NSD1: variants seen among roughly 807,000 people sequenced by gnomAD.
The protein encoded by NSD1 is histone-lysine N-methyltransferase, H3 lysine-36 specific.
NSD1 carries 26 observed loss-of-function variants against 242.7 expected under a neutral mutation model. The ratio of observed to expected loss-of-function variants is 0.11; its 90% confidence interval spans 0.08 to 0.15. The LOEUF is 0.15. NSD1 is among the 10% of genes least tolerant of loss of function. NSD1 has a pLI of 1.00. For synonymous variants in NSD1, 1,106 were observed against 1,178.1 expected (o/e 0.94, Z 1.25); for missense variants, 2,495 against 3,272.8 (o/e 0.76, Z 5.80).
chr5:177,204,782 T>G (rs779405928), intron 4 of NSD1, among the ~76,000 whole-genome samples: 13 of 151,968 alleles, frequency 8.6e-5, no homozygotes, highest in Admixed American at 3.3e-4. Flanking sequence ...GGTGGGTTTT[T>G]TTTGTTTGTT....
intron 17 of NSD1, among the ~76,000 whole-genome samples, chr5:177,275,435 CTTTTTTTTTTTT>C (rs749631943): frequency 8.0e-5 from 4 of 50,146 alleles, no homozygotes; most frequent in Non-Finnish European, 1.0e-4. Flanking sequence ...CTTCCCTTGT[CTTTTTTTTTTTT>C]TTTTTTTTTT....
At chr5:177,166,894 A>C (rs1759251829) in intron 2 of NSD1, among the ~76,000 whole-genome samples, 1 of 151,704 alleles carries the variant, frequency 6.6e-6, no homozygotes. Context: ...GTCACGTGCC[A>C]CCATGCCCAG....
intron 2 of NSD1, among the ~76,000 whole-genome samples, chr5:177,143,783 C>CTTT (rs11300578): frequency 4.1e-5 from 5 of 121,124 alleles, no homozygotes; most frequent in Admixed American, 1.7e-4. Context: ...TACAAGATAA[C>CTTT]TTTTTTTTTT....
intron 3 of NSD1, among the ~76,000 whole-genome samples, chr5:177,195,274 G>C (rs1476601313): frequency 1.3e-5 from 2 of 152,054 alleles, no homozygotes; most frequent in Non-Finnish European, 2.9e-5. Context: ...CTTGAGCCTA[G>C]GAGTTTGAGA....
At chr5:177,137,413 C>T (rs1756430588) in intron 2 of NSD1, 1 of 152,238 alleles carries the variant, frequency 6.6e-6, no homozygotes, top group Non-Finnish European at 1.5e-5. Flanking sequence ...TATATCCCTG[C>T]TGTTCTTTAA....
At position 177,204,282 on chromosome 5, in the gene NSD1, A is replaced by G; in HGVS notation, c.1226A>G (p.Tyr409Cys). Residue 409 changes from tyrosine (Y) to cysteine (C), a missense_variant, in exon 4 of 23, where the codon TAT becomes TGT. By Grantham distance (194) the Tyr-to-Cys change is radical. Coordinates refer to ENST00000439151, the MANE Select transcript of NSD1 (RefSeq NM_022455.5). The stretch of plus-strand genomic sequence containing the variant: ...AGAGGGAAACAGAAAGAAAAAGGAT[A>G]TAGGCATAAGGTAGGAAACGAAAAA... ...RRRGKQKEKGYRHKVPQKILS... is the reference protein window; with the variant it reads ...RRRGKQKEKGCRHKVPQKILS... The G allele has an allele frequency of 6.2e-7, 1 of 1,613,866 alleles. No individual in the cohort carries two copies.
chr5:177,158,945 TACACAC>T, intron 2 of NSD1, among the ~76,000 whole-genome samples: 1 of 145,410 alleles, frequency 6.9e-6, no homozygotes, highest in African/African-American at 2.6e-5. Context: ...TGTGTATATA[TACACAC>T]ATATATATAT....
chr5:177,268,941 T>C lies in NSD1; in HGVS notation c.5304-661T>C, dbSNP rs1279604754. Reference sequence around the variant, plus strand: ...GTCAGTTTTTCTTGGTTTATATACTTGGGACCTTGAATATAAGTATATACT... The same window carrying C: ...GTCAGTTTTTCTTGGTTTATATACTCGGGACCTTGAATATAAGTATATACT... On this transcript the variant is annotated intron_variant, in intron 15 of 22. Transcript: ENST00000439151. Among the ~76,000 whole-genome samples the C allele has an allele frequency of 3.3e-5, 5 of 152,316 alleles. No individual in the cohort carries two copies. In the East Asian group the frequency reaches 9.6e-4, roughly 29 times the overall value.
rs1263410147 is a variant in NSD1, at chr5:177,239,837, A to G, written c.4274A>G (p.Lys1425Arg). Residue 1425 changes from lysine to arginine, a missense_variant, in exon 8 of 23, where the codon AAG (lysine) becomes AGG (arginine). This residue lies in a region of NSD1 where 100 missense variants were observed against 190.7 expected (regional missense o/e 0.52). Transcript: ENST00000439151. ...SNDLDPGFMP[K>R]KGDLGLSKKC... ...GATTTAGACCCTGGATTTATGCCCA[A>G]GAAGGGGGACCTTGGCCTTTCTAAA... 6.2e-7 allele frequency: 1 copy of G among 1,611,696 alleles called. No individual in the cohort carries two copies. Among genetic ancestry groups the G allele is most frequent in the Admixed American group, 1.7e-5 (1 of 60,004 alleles).
intron 5 of NSD1, among the ~76,000 whole-genome samples, chr5:177,213,310 G>A (rs577979713): frequency 1.3e-5 from 2 of 152,204 alleles, no homozygotes; most frequent in East Asian, 3.9e-4. Flanking sequence ...TATTGAAAAT[G>A]CAGTTATCAT....
intron 2 of NSD1, among the ~76,000 whole-genome samples, chr5:177,149,627 G>A (rs1757539723): frequency 1.3e-5 from 2 of 152,076 alleles, no homozygotes; most frequent in Middle Eastern, 3.2e-3. Context: ...GGATGGTTTG[G>A]GGATGAAACT....
At chr5:177,218,671 C>G (rs1763985387) in intron 5 of NSD1, among the ~76,000 whole-genome samples, 1 of 151,676 alleles carries the variant, frequency 6.6e-6, no homozygotes, top group Non-Finnish European at 1.5e-5. Context: ...GGATTGACGC[C>G]ATTCTCCTGC....
At chr5:177,204,014 G>C in intron 3 of NSD1, 106 bp from the exon 4 acceptor site, 2 of 1,104,300 alleles carry the variant, frequency 1.8e-6, no homozygotes, top group Non-Finnish European at 2.8e-6. Context: ...GGGCATGTTA[G>C]TTGTTTCCAG....
chr5:177,290,070 C>T (rs140007833), intron 21 of NSD1, among the ~76,000 whole-genome samples: 5 of 151,620 alleles, frequency 3.3e-5, no homozygotes, highest in East Asian at 1.9e-4. Context: ...CCTCGTGATC[C>T]GCCCGCCTTA....
At position 177,210,849 on chromosome 5, in the gene NSD1, C is replaced by T. The variant is rs115722008; in HGVS notation, c.2450C>T (p.Ser817Phe). ...NEECSLKCCS[S>F]DTKGSPLASI... ...GAGTGCAGTTTGAAATGCTGCTCTT[C>T]TGATACCAAAGGCTCTCCTTTGGCC... Residue 817 changes from serine to phenylalanine, a missense_variant, in exon 5 of 23, where the codon TCT becomes TTT. Ser to Phe is a radical substitution (Grantham distance 155, BLOSUM62 -2). This residue lies in a region of NSD1 where 515 missense variants were observed against 467.0 expected (regional missense o/e 1.10). Transcript: ENST00000439151. The T allele has an allele frequency of 1.4e-4, 234 of 1,614,198 alleles. 1 individual carries two copies. The African/African-American group carries it at 3.0e-3, about 20-fold the overall frequency.
rs1764671095 is a variant in NSD1 at position 177,226,839 on chromosome 5, A to G, written c.3797-8982A>G. On this transcript the variant is annotated intron_variant, in intron 5 of 22. Transcript: ENST00000439151. Reference sequence around the variant, plus strand: ...AAAAAAATTTTGAGTAAAGTATGAAATTTTGTTAAGGGGCTGCATGTATAG... The same window carrying G: ...AAAAAAATTTTGAGTAAAGTATGAAGTTTTGTTAAGGGGCTGCATGTATAG... 2.6e-5 allele frequency among the ~76,000 whole-genome samples: 4 copies of G among 152,066 alleles called. 1 individual carries two copies. The South Asian group carries it at 8.3e-4, about 32-fold the overall frequency.
At chr5:177,189,649 G>A (rs900343717) in intron 2 of NSD1, among the ~76,000 whole-genome samples, 3 of 152,164 alleles carry the variant, frequency 2.0e-5, no homozygotes, top group African/African-American at 7.2e-5. Context: ...AAAATAATGG[G>A]TAATAATGTG....
intron 4 of NSD1, among the ~76,000 whole-genome samples, chr5:177,208,833 G>A (rs971595882): frequency 6.6e-6 from 1 of 151,882 alleles, no homozygotes; most frequent in Non-Finnish European, 1.5e-5. Flanking sequence ...GTAGCTGGGA[G>A]TATAGGTGTC....
At chr5:177,217,660 C>T (rs1763883857) in intron 5 of NSD1, among the ~76,000 whole-genome samples, 1 of 145,310 alleles carries the variant, frequency 6.9e-6, no homozygotes, top group Admixed American at 6.8e-5. Flanking sequence ...TGGACAGCGT[C>T]ACATTCTTTT....
Sources: allele counts gnomAD v4.1 joint callset (sites outside exome capture counted in the v4.1 genomes callset), GRCh38; gene constraint gnomAD v4.1.1; regional missense constraint gnomAD v4.1.1; transcripts MANE v1.5; gene names NCBI Gene and HGNC (gene_info 2026-07-23, HGNC 2026-07-21).